The following CFAP299 variants were observed in gnomAD, a reference collection of about 807,000 sequenced individuals.
The protein encoded by CFAP299 is cilia and flagella associated protein 299, also known as cilia- and flagella-associated protein 299.
A neutral mutation model predicts 27.0 loss-of-function variants in CFAP299; 21 were observed. That is an observed-to-expected ratio of 0.78 (90% CI 0.55 to 1.12). The LOEUF (loss-of-function observed/expected upper bound fraction) is 1.12. Ranked by LOEUF, CFAP299 falls within the 50% of genes most tolerant of loss-of-function variation. The pLI is 0.00. For missense variants in CFAP299, 310 were observed against 276.6 expected, an observed-to-expected ratio of 1.12 and a Z score of -0.86; for synonymous variants, 104 against 98.1, an observed-to-expected ratio of 1.06 and a Z score of -0.36.
chr4:80,790,862 A>G (rs528435013), intron 3 of CFAP299, among the ~76,000 whole-genome samples: 1 of 152,232 alleles, frequency 6.6e-6, no homozygotes, highest in South Asian at 2.1e-4. Flanking sequence ...TTTAATAATT[A>G]GAATACAATA....
At chr4:80,871,542 G>T in intron 4 of CFAP299, 1 of 985,360 alleles carries the variant, frequency 1.0e-6, no homozygotes, top group African/African-American at 1.7e-5. Flanking sequence ...GCCTGCTATT[G>T]CTTCTGTGTC....
chr4:80,386,613 C>A (rs1171539258), intron 2 of CFAP299: 9 of 1,598,176 alleles, frequency 5.6e-6, no homozygotes, highest in Non-Finnish European at 6.9e-6. Flanking sequence ...AAGCCCTTGG[C>A]ACAGCCAGCA....
At chr4:80,415,533 T>C (rs1418076046) in intron 2 of CFAP299, among the ~76,000 whole-genome samples, 1 of 152,160 alleles carries the variant, frequency 6.6e-6, no homozygotes, top group East Asian at 1.9e-4. Context: ...TGGTAGTTTA[T>C]ATAATTTTCA....
At chr4:80,918,124 G>T (rs1735853834) in intron 4 of CFAP299, among the ~76,000 whole-genome samples, 1 of 152,032 alleles carries the variant, frequency 6.6e-6, no homozygotes, top group South Asian at 2.1e-4. Flanking sequence ...TGATTTCTTT[G>T]ATTTATTCAC....
chr4:80,855,717 C>G (rs1460993247), intron 3 of CFAP299, among the ~76,000 whole-genome samples: 1 of 152,170 alleles, frequency 6.6e-6, no homozygotes, highest in East Asian at 1.9e-4. Context: ...TCATCTATGT[C>G]CCTACAAAGG....
At chr4:80,393,592 T>C (rs116210570) in intron 2 of CFAP299, among the ~76,000 whole-genome samples, 1,764 of 152,296 alleles carry the variant, frequency 0.012, 44 homozygotes, top group African/African-American at 0.04. Flanking sequence ...TATTATTGTG[T>C]TCCAATTGCC....
At chr4:80,514,405 A>G (rs1354144066) in intron 2 of CFAP299, among the ~76,000 whole-genome samples, 1 of 152,128 alleles carries the variant, frequency 6.6e-6, no homozygotes, top group Non-Finnish European at 1.5e-5. Context: ...TGTCCATAAT[A>G]GCATGATGGG....
chr4:80,684,538 G>T (rs935839272), intron 3 of CFAP299, among the ~76,000 whole-genome samples: 1 of 152,142 alleles, frequency 6.6e-6, no homozygotes, highest in Admixed American at 6.5e-5. Context: ...GTGCTGCTGG[G>T]ATTACAGGCG....
At chr4:80,698,529 C>T (rs1721257755) in intron 3 of CFAP299, among the ~76,000 whole-genome samples, 1 of 152,180 alleles carries the variant, frequency 6.6e-6, no homozygotes, top group Admixed American at 6.6e-5. Context: ...TTACTAAGGA[C>T]TGTTTTAGGT....
chr4:80,322,650 A>AATCATGTACAGTAATCAT, the CFAP299 span, among the ~76,000 whole-genome samples: 10 of 152,316 alleles, frequency 6.6e-5, no homozygotes, highest in African/African-American at 1.9e-4. Flanking sequence ...AGAAACTTTG[A>AATCATGTACAGTAATCAT]GTTTTCAGTA....
intron 4 of CFAP299, among the ~76,000 whole-genome samples, chr4:80,922,851 T>C (rs1560478164): frequency 6.7e-6 from 1 of 148,938 alleles, no homozygotes; most frequent in Non-Finnish European, 1.5e-5. Flanking sequence ...AAAATATTAG[T>C]ATAAATATTT....
intron 2 of CFAP299, among the ~76,000 whole-genome samples, chr4:80,540,656 G>A (rs955819679): frequency 3.9e-5 from 6 of 152,114 alleles, no homozygotes; most frequent in African/African-American, 4.8e-5. Flanking sequence ...GATATCCAGC[G>A]TGTTTCTACA....
chr4:80,575,023 T>G (rs551751876), intron 2 of CFAP299, among the ~76,000 whole-genome samples: 1 of 152,252 alleles, frequency 6.6e-6, no homozygotes, highest in South Asian at 2.1e-4. Context: ...TCAGAATAGT[T>G]TGAGTAGGAT....
intron 2 of CFAP299, among the ~76,000 whole-genome samples, chr4:80,404,185 G>T (rs1198059801): frequency 6.6e-6 from 1 of 151,866 alleles, no homozygotes; most frequent in East Asian, 1.9e-4. Flanking sequence ...GGTCAATGGT[G>T]ATATAGCAAT....
intron 4 of CFAP299, among the ~76,000 whole-genome samples, chr4:80,910,468 T>C (rs937887152): frequency 6.6e-6 from 1 of 152,130 alleles, no homozygotes; most frequent in Non-Finnish European, 1.5e-5. Flanking sequence ...GTGGTACATA[T>C]ATACCATGGA....
rs116739827 is a variant in CFAP299, at chr4:80,927,998, C to G, written c.477-16812C>G. ...CTACCACTTAAACTTGATAACGTAT[C>G]CACCAAAGTAAATTCCTGTCCACTT... On this transcript the variant is annotated intron_variant, in intron 4 of 5. Coordinates refer to ENST00000358105, the MANE Select transcript of CFAP299 (RefSeq NM_152770.3). 3.1e-3 allele frequency among the ~76,000 whole-genome samples: 468 copies of G among 152,180 alleles called. 2 individuals are homozygous for G. The highest frequency in any genetic ancestry group is 0.011 in the African/African-American group (449 of 41,526).
intron 4 of CFAP299, 186 bp downstream of exon 4, chr4:80,870,321 C>A: frequency 8.0e-7 from 1 of 1,247,782 alleles, no homozygotes; most frequent in Non-Finnish European, 1.0e-6. Context: ...CCTTTAACAG[C>A]CTGAGAAAAA....
chr4:80,565,990 A>G (rs1364156221), intron 2 of CFAP299, among the ~76,000 whole-genome samples: 1 of 151,996 alleles, frequency 6.6e-6, no homozygotes, highest in Non-Finnish European at 1.5e-5. Context: ...CACCCTCATG[A>G]CATCTACCAT....
chr4:80,342,106 G>A (rs915989763), intron 1 of CFAP299, among the ~76,000 whole-genome samples: 4 of 152,114 alleles, frequency 2.6e-5, no homozygotes, highest in African/African-American at 9.7e-5. Flanking sequence ...AGACAGGCAG[G>A]CAAGAACAGA....
Sources: allele counts gnomAD v4.1 joint callset (sites outside exome capture counted in the v4.1 genomes callset), GRCh38; gene constraint gnomAD v4.1.1; transcripts MANE v1.5; gene names NCBI Gene and HGNC (gene_info 2026-07-23, HGNC 2026-07-21).